Variants in PRKN observed in about 807,000 individuals in gnomAD.
PRKN encodes the protein E3 ubiquitin-protein ligase parkin.
Under a neutral mutation model 59.5 loss-of-function variants are expected in PRKN, and 56 were observed. That is an observed-to-expected ratio of 0.94 (90% CI 0.76 to 1.18). PRKN has a LOEUF of 1.18. Among genes scored for constraint, PRKN ranks in the 50% most tolerant of loss-of-function variants. The probability of loss-of-function intolerance (pLI) is 0.00; values close to 1 mark genes in which losing one functional copy is unlikely to be tolerated. For missense variants in PRKN, 657 were observed against 596.4 expected (o/e 1.10, Z -1.06); for synonymous variants, 250 against 222.1 (o/e 1.13, Z -1.12).
chr6:162,179,179 C>T lies in PRKN; in HGVS notation c.534+21952G>A, dbSNP rs148376410. ...ACAGGTATCAGCCACTGTGCCTGGC[C>T]TCCCTTCAGTCGTAATTGCATTTTG... On this transcript the variant is annotated intron_variant, in intron 4 of 11. Transcript: ENST00000366898. Among the ~76,000 whole-genome samples the T allele has an allele frequency of 3.4e-3, 515 of 152,328 alleles. 3 individuals are homozygous for T. Among genetic ancestry groups the T allele is most frequent in the African/African-American group, 0.012 (486 of 41,570 alleles).
intron 6 of PRKN, among the ~76,000 whole-genome samples, chr6:161,886,526 G>T (rs550959356): frequency 3.3e-5 from 5 of 151,822 alleles, no homozygotes; most frequent in Non-Finnish European, 7.4e-5. Context: ...GAGAAACCCC[G>T]TCTCTACTAA....
chr6:161,963,979 C>T (rs766718019), intron 6 of PRKN, among the ~76,000 whole-genome samples: 2 of 150,956 alleles, frequency 1.3e-5, no homozygotes, highest in African/African-American at 5.0e-5. Context: ...AGGACAACAG[C>T]GAGTTCAACT....
intron 6 of PRKN, among the ~76,000 whole-genome samples, chr6:161,852,042 G>T (rs1236638791): frequency 6.7e-6 from 1 of 150,022 alleles, no homozygotes; most frequent in Non-Finnish European, 1.5e-5. Flanking sequence ...AGCTGAGATT[G>T]TGCCACTGCA....
Position 161,546,040 on chromosome 6 carries a change from T to C in PRKN, c.1083+2814A>G, listed in dbSNP as rs905416327. On this transcript the variant is annotated intron_variant, in intron 9 of 11. Transcript: ENST00000366898. This position sits in a 1 kb window ranked among gnomAD's most constrained non-coding sequence, Gnocchi z 4.4. ...CCCAGTTTCCTGCCGTAGATCTGAC[T>C]ACATCCTGGATTCTAGACTATTTGG... Among the ~76,000 whole-genome samples the C allele has an allele frequency of 2.1e-4, 32 of 152,216 alleles. No homozygotes were observed. The highest frequency in any genetic ancestry group is 7.5e-4 in the African/African-American group (31 of 41,458).
At chr6:162,144,249 T>C (rs951857804) in intron 4 of PRKN, among the ~76,000 whole-genome samples, 1 of 152,156 alleles carries the variant, frequency 6.6e-6, no homozygotes, top group Non-Finnish European at 1.5e-5. Flanking sequence ...CTCCAATAAA[T>C]TAATATTCTC....
chr6:161,694,952 C>T (rs1436041128), intron 7 of PRKN, among the ~76,000 whole-genome samples: 1 of 152,052 alleles, frequency 6.6e-6, no homozygotes, highest in Non-Finnish European at 1.5e-5. Flanking sequence ...ACTCAGATGC[C>T]CAGACCTCAT....
intron 9 of PRKN, among the ~76,000 whole-genome samples, chr6:161,491,801 T>C (rs1415235522): frequency 1.3e-5 from 2 of 152,096 alleles, no homozygotes; most frequent in Non-Finnish European, 2.9e-5. Flanking sequence ...CGACTAATTT[T>C]TGTATTTTTT....
At position 161,475,005 on chromosome 6, in the gene PRKN, A is replaced by C. The variant is rs1385841815; in HGVS notation, c.1083+73849T>G. ...CTGCAACCTCCGCCTCCTGGGTTCA[A>C]GTGATTCTCCTGCCTCAGCCTCCCA... On this transcript the variant is annotated intron_variant, in intron 9 of 11. Transcript: ENST00000366898. This position sits in a 1 kb window ranked among gnomAD's most constrained non-coding sequence, Gnocchi z 5.3. Among the ~76,000 whole-genome samples the C allele has an allele frequency of 3.3e-5, 5 of 149,348 alleles. No individual in the cohort carries two copies. The highest frequency in any genetic ancestry group is 2.1e-4 in the South Asian group (1 of 4,674).
At chr6:161,636,269 C>T (rs1783516820) in intron 7 of PRKN, among the ~76,000 whole-genome samples, 1 of 152,240 alleles carries the variant, frequency 6.6e-6, no homozygotes, top group Non-Finnish European at 1.5e-5. Flanking sequence ...GCAGGATGTG[C>T]ATATTTGTCT....
rs1265025070 is a variant in PRKN at position 161,635,048 on chromosome 6, G to A, written c.872-65632C>T. Among the ~76,000 whole-genome samples, 4 of 152,132 alleles carry A rather than the reference G, an allele frequency of 2.6e-5. No homozygotes were observed. The South Asian group carries it at 6.2e-4, about 24-fold the overall frequency. ...CCTTCCTCAGGGCCGTAATTAAAAC[G>A]GGAGACTTAGGAGCTGGCAGAATCC... On this transcript the variant is annotated intron_variant, in intron 7 of 11. Transcript: ENST00000366898.
rs551015228 is a variant in PRKN, at chr6:161,468,347, C to T, written c.1083+80507G>A. On this transcript the variant is annotated intron_variant, in intron 9 of 11. Coordinates refer to ENST00000366898, the MANE Select transcript of PRKN (RefSeq NM_004562.3). This position sits in a 1 kb window ranked among gnomAD's most constrained non-coding sequence, Gnocchi z 5.9. ...ATCTTCAATCTGAAATAGTGTACTA[C>T]GCCAGGTGTAGACAGGAAGAGAGAA... is the stretch of plus-strand genomic sequence containing the variant. Among the ~76,000 whole-genome samples, 47 of 152,010 alleles carry T rather than the reference C, an allele frequency of 3.1e-4. No individual in the cohort carries two copies. The highest frequency in any genetic ancestry group is 9.7e-4 in the East Asian group (5 of 5,174).
intron 7 of PRKN, among the ~76,000 whole-genome samples, chr6:161,634,884 G>A (rs899026019): frequency 6.6e-6 from 1 of 152,226 alleles, no homozygotes; most frequent in African/African-American, 2.4e-5. Context: ...GATCTGCTGA[G>A]TGTGGCATTT....
chr6:161,781,039 A>C (rs750514707), intron 7 of PRKN, among the ~76,000 whole-genome samples: 2 of 152,226 alleles, frequency 1.3e-5, no homozygotes, highest in African/African-American at 2.4e-5. Flanking sequence ...AACATGGCTG[A>C]AGCTATGAAG....
chr6:162,183,325 T>A (rs1783881094), intron 4 of PRKN, among the ~76,000 whole-genome samples: 5 of 152,136 alleles, frequency 3.3e-5, no homozygotes, highest in Admixed American at 3.3e-4. Flanking sequence ...CCCAAAGGGA[T>A]CTGAGAGACA....
chr6:161,997,706 T>C (rs1781898372), intron 5 of PRKN, among the ~76,000 whole-genome samples: 1 of 152,190 alleles, frequency 6.6e-6, no homozygotes, highest in Non-Finnish European at 1.5e-5. Flanking sequence ...CTAGTTTCTT[T>C]TCAGAAAACC....
chr6:161,706,457 G>A (rs1410646195), intron 7 of PRKN, among the ~76,000 whole-genome samples: 6 of 152,214 alleles, frequency 3.9e-5, no homozygotes, highest in Admixed American at 2.6e-4. Context: ...TTGCTTCACT[G>A]TCATTTGCTT....
At chr6:162,120,063 A>G (rs1445323998) in intron 4 of PRKN, among the ~76,000 whole-genome samples, 3 of 152,114 alleles carry the variant, frequency 2.0e-5, no homozygotes, top group Admixed American at 1.3e-4. Context: ...TGTCATCCAG[A>G]CTGGAGCTCA....
intron 1 of PRKN, among the ~76,000 whole-genome samples, chr6:162,517,117 G>C (rs964272049): frequency 7.1e-6 from 1 of 141,180 alleles, no homozygotes; most frequent in Non-Finnish European, 1.5e-5. Context: ...TACATCAACA[G>C]TTTATACAAA....
At chr6:161,437,837 T>C (rs1788998645) in intron 9 of PRKN, among the ~76,000 whole-genome samples, 1 of 152,216 alleles carries the variant, frequency 6.6e-6, no homozygotes, top group Non-Finnish European at 1.5e-5. Context: ...AAGGCATATT[T>C]TGAAAGTGAC....
Sources: allele counts gnomAD v4.1 joint callset (sites outside exome capture counted in the v4.1 genomes callset), GRCh38; gene constraint gnomAD v4.1.1; non-coding constraint Gnocchi (gnomAD v3.1); transcripts MANE v1.5; gene names NCBI Gene and HGNC (gene_info 2026-07-23, HGNC 2026-07-21).